Variants in PITPNC1 observed in about 807,000 individuals in gnomAD.
PITPNC1 encodes cytoplasmic phosphatidylinositol transfer protein 1.
PITPNC1 carries 18 observed loss-of-function variants against 44.7 expected under a neutral mutation model. That is an observed-to-expected ratio of 0.40 (90% confidence interval 0.28 to 0.60). PITPNC1 has a LOEUF of 0.60. PITPNC1 is among the 20% of genes least tolerant of loss of function. The pLI, the probability that PITPNC1 is intolerant of heterozygous loss-of-function variation, is 0.39. For missense variants in PITPNC1, 290 were observed against 418.4 expected (o/e 0.69, Z 2.68); for synonymous variants, 141 against 149.6 (o/e 0.94, Z 0.42).
Position 67,693,692 on chromosome 17 carries a change from C to T in PITPNC1, c.*804C>T, listed in dbSNP as rs540776525. 1 of 152,308 alleles carries T rather than the reference C, an allele frequency of 6.6e-6. No individual in the cohort carries two copies. Among genetic ancestry groups the T allele is most frequent in the Admixed American group, 6.5e-5 (1 of 15,288 alleles). 9.4% of individuals were successfully genotyped at this position (152,308 alleles called of 1,614,324 possible). A position where few individuals can be genotyped will look rare whatever the true frequency, so the allele number is the denominator to read the frequency against. On this transcript the variant is annotated 3_prime_UTR_variant, in exon 9 of 9. Transcript: ENST00000581322. ...CAGGTACCAACAAACCTTGACTTGTCAGCTTCCATCATCAATTAAGATTCT... is the reference window on the plus strand; with the variant it reads ...CAGGTACCAACAAACCTTGACTTGTTAGCTTCCATCATCAATTAAGATTCT...
chr17:67,549,475 C>T (rs949249790), intron 2 of PITPNC1, among the ~76,000 whole-genome samples: 15 of 152,198 alleles, frequency 9.9e-5, no homozygotes, highest in Non-Finnish European at 2.1e-4. Flanking sequence ...TATCGTGCTG[C>T]ATATCCTATA....
chr17:67,523,934 C>G lies in PITPNC1; in HGVS notation c.49-8868C>G, dbSNP rs369333548. ...TCAAGTGATTCTCCTGCCTCAGCCT[C>G]CTGAGTACCTGGGATTACAGGTGCC... On this transcript the variant is annotated intron_variant, in intron 1 of 8. Coordinates refer to ENST00000581322, the MANE Select transcript of PITPNC1 (RefSeq NM_012417.4). 6.6e-5 allele frequency among the ~76,000 whole-genome samples: 10 copies of G among 151,478 alleles called. No homozygotes were observed. The East Asian group carries it at 9.7e-4, about 15-fold the overall frequency.
intron 1 of PITPNC1, among the ~76,000 whole-genome samples, chr17:67,401,166 C>T (rs1268673470): frequency 2.0e-5 from 3 of 152,192 alleles, no homozygotes; most frequent in South Asian, 2.1e-4. Context: ...AACTCCTGAC[C>T]TCAAGTGATC....
At chr17:67,647,429 T>G (rs911179456) in intron 6 of PITPNC1, among the ~76,000 whole-genome samples, 11 of 147,812 alleles carry the variant, frequency 7.4e-5, no homozygotes, top group African/African-American at 1.7e-4. Context: ...TAGCTGGGAC[T>G]ACAGGTGCAC....
chr17:67,408,538 C>G (rs1462398564), intron 1 of PITPNC1, among the ~76,000 whole-genome samples: 3 of 151,200 alleles, frequency 2.0e-5, no homozygotes, highest in African/African-American at 7.3e-5. Context: ...TCAAAACAAA[C>G]AAAAAAAAAG....
At chr17:67,434,639 C>G (rs188329958) in intron 1 of PITPNC1, among the ~76,000 whole-genome samples, 5 of 151,792 alleles carry the variant, frequency 3.3e-5, no homozygotes, top group East Asian at 1.9e-4. Context: ...GGCAAAACCC[C>G]GTCTGTACTA....
chr17:67,444,883 C>T (rs888012931), intron 1 of PITPNC1, among the ~76,000 whole-genome samples: 1 of 151,726 alleles, frequency 6.6e-6, no homozygotes, highest in South Asian at 2.1e-4. Context: ...GGCGACAGAG[C>T]GAGACTCGGT....
chr17:67,432,831 A>G (rs2038876168), intron 1 of PITPNC1, among the ~76,000 whole-genome samples: 1 of 152,200 alleles, frequency 6.6e-6, no homozygotes, highest in Non-Finnish European at 1.5e-5. Context: ...TGACTCTTGT[A>G]AGCATTCAGC....
intron 1 of PITPNC1, among the ~76,000 whole-genome samples, chr17:67,488,825 G>A (rs1276786389): frequency 6.6e-6 from 1 of 152,156 alleles, no homozygotes; most frequent in Non-Finnish European, 1.5e-5. Flanking sequence ...ACTCACATAA[G>A]TAGAATCACA....
intron 1 of PITPNC1, chr17:67,378,844 C>A: frequency 3.2e-6 from 1 of 309,408 alleles, no homozygotes; most frequent in Non-Finnish European, 4.7e-6. Flanking sequence ...TCTTCCGCCG[C>A]GGGGAGCGGC....
intron 5 of PITPNC1, among the ~76,000 whole-genome samples, chr17:67,631,814 C>A (rs1350044301): frequency 6.7e-6 from 1 of 150,286 alleles, no homozygotes; most frequent in African/African-American, 2.4e-5. Flanking sequence ...AGGTGAACTG[C>A]CAAAAATCAG....
intron 6 of PITPNC1, among the ~76,000 whole-genome samples, chr17:67,648,202 ATGC>A (rs2042172859): frequency 6.6e-6 from 1 of 152,236 alleles, no homozygotes; most frequent in Non-Finnish European, 1.5e-5. Context: ...CACTGTTGGC[ATGC>A]TGCAACTCAT....
intron 1 of PITPNC1, among the ~76,000 whole-genome samples, chr17:67,398,344 T>G (rs1184186430): frequency 1.3e-5 from 2 of 152,204 alleles, no homozygotes. Context: ...ATTTTTTTCT[T>G]CATCCTGCTG....
At chr17:67,673,676 C>T (rs1053134066) in intron 7 of PITPNC1, among the ~76,000 whole-genome samples, 12 of 152,020 alleles carry the variant, frequency 7.9e-5, no homozygotes, top group African/African-American at 2.4e-4. Context: ...TGAGGCCAGG[C>T]GTGGTGGCTC....
intron 8 of PITPNC1, among the ~76,000 whole-genome samples, chr17:67,685,890 G>A (rs978036864): frequency 6.6e-6 from 1 of 151,986 alleles, no homozygotes; most frequent in Non-Finnish European, 1.5e-5. Context: ...GAGTGCAGTG[G>A]TGTGATCTCA....
chr17:67,646,757 T>C (rs549608248), intron 6 of PITPNC1, among the ~76,000 whole-genome samples: 12 of 152,222 alleles, frequency 7.9e-5, no homozygotes, highest in Admixed American at 6.5e-4. Flanking sequence ...CTCAAACTCA[T>C]GGGCTCAAGT....
intron 1 of PITPNC1, among the ~76,000 whole-genome samples, chr17:67,386,043 G>A (rs1275476361): frequency 6.6e-6 from 1 of 152,156 alleles, no homozygotes; most frequent in East Asian, 1.9e-4. Flanking sequence ...AAGTTCCTAA[G>A]GCTCTTGAAA....
intron 1 of PITPNC1, among the ~76,000 whole-genome samples, chr17:67,464,130 T>C (rs1568000022): frequency 6.6e-6 from 1 of 151,414 alleles, no homozygotes; most frequent in Non-Finnish European, 1.5e-5. Context: ...GAGGCAGAGG[T>C]TGCAGTGAGC....
intron 1 of PITPNC1, among the ~76,000 whole-genome samples, chr17:67,464,162 C>T (rs923453286): frequency 8.6e-5 from 13 of 151,738 alleles, no homozygotes; most frequent in Non-Finnish European, 1.6e-4. Flanking sequence ...CACTGCACTC[C>T]AGCCTGGGCG....
Sources: gnomAD v4.1 joint callset for allele counts (sites outside exome capture counted in the v4.1 genomes callset) on GRCh38, gnomAD v4.1.1 for gene constraint, MANE v1.5 for transcripts, NCBI Gene and HGNC (gene_info 2026-07-23, HGNC 2026-07-21) for gene names.